Variants in SLC7A1 observed in about 807,000 individuals in gnomAD.
The protein encoded by SLC7A1 is solute carrier family 7 member 1.
A neutral mutation model predicts 53.9 loss-of-function variants in SLC7A1; 10 were observed. The observed-to-expected ratio is 0.19, with a 90% CI of 0.11 to 0.31. SLC7A1 has a LOEUF of 0.31. Ranked by LOEUF, SLC7A1 falls within the 10% of genes least tolerant of loss-of-function variation. The pLI, the probability that SLC7A1 is intolerant of heterozygous loss-of-function variation, is 1.00. For missense variants in SLC7A1, 525 were observed against 827.2 expected (o/e 0.63, Z 4.48); for synonymous variants, 342 against 338.7 (o/e 1.01, Z -0.11).
In SLC7A1 at chr13:29,579,141, A is replaced by G. The variant is rs534658478; in HGVS notation, c.-115+16275T>C. Among the ~76,000 whole-genome samples, 6 of 152,258 alleles carry G rather than the reference A, an allele frequency of 3.9e-5. No individual in the cohort carries two copies. In the East Asian group the frequency reaches 1.2e-3, roughly 29 times the overall value. ...AAGCTGGGTCTCTTTCCTTTGATGAAGCCTGTATATATTTTGATGTGTATG... is the reference window on the plus strand; with the variant it reads ...AAGCTGGGTCTCTTTCCTTTGATGAGGCCTGTATATATTTTGATGTGTATG... On this transcript the variant is annotated intron_variant, in intron 1 of 12. Transcript: ENST00000380752.
rs371360036 is a variant in SLC7A1 at position 29,590,759 on chromosome 13, A to G, written c.-115+4657T>C. 9.2e-5 allele frequency among the ~76,000 whole-genome samples: 14 copies of G among 152,258 alleles called. 1 individual carries two copies. Among genetic ancestry groups the G allele is most frequent in the African/African-American group, 3.4e-4 (14 of 41,528 alleles). ...AACCCACCCAAGGAAAGAGCACAAC[A>G]TTTTAATGCCTTGGTAAAATGAGAG... On this transcript the variant is annotated intron_variant, in intron 1 of 12. Coordinates refer to ENST00000380752, the MANE Select transcript of SLC7A1 (RefSeq NM_003045.5).
intron 8 of SLC7A1, among the ~76,000 whole-genome samples, chr13:29,520,441 G>A (rs966978372): frequency 6.6e-6 from 1 of 152,202 alleles, no homozygotes; most frequent in East Asian, 1.9e-4. Flanking sequence ...GTCACTTCAC[G>A]TGGAAGAAAT....
In SLC7A1 at chr13:29,510,144, C is replaced by T. The variant is rs1883349935; in HGVS notation, c.*4336G>A. 1 of 152,688 alleles carries T rather than the reference C, an allele frequency of 6.5e-6. No individual in the cohort carries two copies. The highest frequency in any genetic ancestry group is 6.5e-5 in the Admixed American group (1 of 15,300). The allele number at this position is 152,688 out of a possible 1,614,324, so 9.5% of individuals were successfully genotyped here. A position where few individuals can be genotyped will look rare whatever the true frequency, so the allele number is the denominator to read the frequency against. On this transcript the variant is annotated 3_prime_UTR_variant, in exon 13 of 13. Coordinates refer to ENST00000380752, the MANE Select transcript of SLC7A1 (RefSeq NM_003045.5). ...GGTACTCCATCTCCTGTGGGGTTTT[C>T]AGCTGGCACTCAGCACATTTGTAGA... is the stretch of plus-strand genomic sequence containing the variant.
intron 1 of SLC7A1, among the ~76,000 whole-genome samples, chr13:29,559,920 T>C (rs1419363136): frequency 1.3e-5 from 2 of 152,078 alleles, no homozygotes; most frequent in Admixed American, 1.3e-4. Flanking sequence ...TTTCACCGTG[T>C]TAGCCAGGAT....
intron 1 of SLC7A1, among the ~76,000 whole-genome samples, chr13:29,574,814 T>G (rs1446601739): frequency 2.2e-4 from 33 of 152,030 alleles, no homozygotes; most frequent in Non-Finnish European, 1.3e-4. Context: ...CTGGCTAATT[T>G]TTTTGTATTT....
chr13:29,523,433 G>T lies in SLC7A1; in HGVS notation c.882C>A (p.Leu294=). 6.2e-7 allele frequency: 1 copy of T among 1,614,018 alleles called. No individual in the cohort carries two copies. Among genetic ancestry groups the T allele is most frequent in the South Asian group, 1.1e-5 (1 of 91,076 alleles). ...CAAAGTAGGCGATGAAGCAGATCAA[G>T]AGGGACGCCACGATCCCCACGGGGA... ...KAIPVGIVAS[L]LICFIAYFGV... The change falls in exon 7 of 13, where the codon CTC becomes CTA. Residue 294 remains leucine (L), a synonymous_variant. Coordinates refer to ENST00000380752, the MANE Select transcript of SLC7A1 (RefSeq NM_003045.5).
chr13:29,528,478 C>T (rs1869001964), intron 5 of SLC7A1, among the ~76,000 whole-genome samples: 1 of 152,192 alleles, frequency 6.6e-6, no homozygotes, highest in Admixed American at 6.5e-5. Flanking sequence ...AATCACAAAC[C>T]CATGTGGTCT....
At chr13:29,580,427 C>T (rs1871594168) in intron 1 of SLC7A1, among the ~76,000 whole-genome samples, 1 of 151,874 alleles carries the variant, frequency 6.6e-6, no homozygotes, top group Non-Finnish European at 1.5e-5. Context: ...ACTGCCTCCC[C>T]GTTTTGAGAT....
At chr13:29,538,276 A>C (rs1326335059) in intron 2 of SLC7A1, among the ~76,000 whole-genome samples, 1 of 152,124 alleles carries the variant, frequency 6.6e-6, no homozygotes, top group Non-Finnish European at 1.5e-5. Context: ...TGGTTTAGCA[A>C]GTGGGGCAAA....
At chr13:29,567,452 C>T (rs890123273) in intron 1 of SLC7A1, among the ~76,000 whole-genome samples, 8 of 152,164 alleles carry the variant, frequency 5.3e-5, no homozygotes, top group African/African-American at 1.7e-4. Flanking sequence ...GGCTCACTAC[C>T]AGGGCAAAAA....
intron 5 of SLC7A1, 35 bp downstream of exon 5, chr13:29,530,503 T>C (rs897701577): frequency 4.4e-6 from 7 of 1,600,674 alleles, no homozygotes; most frequent in Non-Finnish European, 6.0e-6. Flanking sequence ...TCATTAAATG[T>C]CAACTAAGAA....
At chr13:29,555,084 C>G (rs552246507) in intron 1 of SLC7A1, among the ~76,000 whole-genome samples, 2 of 151,938 alleles carry the variant, frequency 1.3e-5, no homozygotes, top group Non-Finnish European at 2.9e-5. Context: ...GTGGGCCGGG[C>G]GCGGTGGCTC....
intron 5 of SLC7A1, among the ~76,000 whole-genome samples, chr13:29,525,346 C>T (rs942576889): frequency 3.3e-5 from 5 of 152,214 alleles, no homozygotes; most frequent in African/African-American, 1.2e-4. Flanking sequence ...AGGACGCTCA[C>T]CACCCACCTC....
rs2139068701 is a variant in SLC7A1, at chr13:29,517,263, C to A, written c.1558G>T (p.Ala520Ser). 1 of 1,613,320 alleles carries A rather than the reference C, an allele frequency of 6.2e-7. No individual in the cohort carries two copies. Among genetic ancestry groups the A allele is most frequent in the Non-Finnish European group, 8.5e-7 (1 of 1,179,706 alleles). ...GCCCACAGCGCCCCTTTGGTGAGAG[C>A]CTCCCTTCCAAGCACGGTCACAATG... ...FCIVTVLGREALTKGALWAVF... is the reference protein window; with the variant it reads ...FCIVTVLGRESLTKGALWAVF... Residue 520 changes from alanine to serine, a missense_variant, in exon 11 of 13, where the codon GCT becomes TCT. Ala to Ser is a moderately conservative substitution (Grantham distance 99). Coordinates refer to ENST00000380752, the MANE Select transcript of SLC7A1 (RefSeq NM_003045.5).
At chr13:29,578,894 G>A (rs1352114997) in intron 1 of SLC7A1, among the ~76,000 whole-genome samples, 1 of 152,238 alleles carries the variant, frequency 6.6e-6, no homozygotes, top group Non-Finnish European at 1.5e-5. Context: ...CCTGGCAGCA[G>A]GCAAGAACTC....
At position 29,581,706 on chromosome 13, in the gene SLC7A1, C is replaced by T. The variant is rs532870070; in HGVS notation, c.-115+13710G>A. Among the ~76,000 whole-genome samples the T allele has an allele frequency of 1.2e-4, 19 of 152,342 alleles. No individual in the cohort carries two copies. The South Asian group carries it at 3.7e-3, about 30-fold the overall frequency. ...CAGCGCCATGCCTGCCCCTGAGGCA[C>T]ACCCCCAAGACAGGTTCATCTCCCA... On this transcript the variant is annotated intron_variant, in intron 1 of 12. Transcript: ENST00000380752.
At chr13:29,534,935 G>A (rs1016104351) in intron 3 of SLC7A1, among the ~76,000 whole-genome samples, 2 of 152,214 alleles carry the variant, frequency 1.3e-5, no homozygotes, top group African/African-American at 4.8e-5. Context: ...ATAAAGAGAA[G>A]CAAAGCGTGT....
chr13:29,578,773 T>C (rs1871518528), intron 1 of SLC7A1, among the ~76,000 whole-genome samples: 2 of 152,212 alleles, frequency 1.3e-5, no homozygotes, highest in African/African-American at 4.8e-5. Context: ...GATCCCTCAA[T>C]ACCCCGGCTC....
chr13:29,517,953 CG>C (rs917311624), intron 9 of SLC7A1, among the ~76,000 whole-genome samples, 163 bp from the exon 10 acceptor site: 1 of 152,170 alleles, frequency 6.6e-6, no homozygotes, highest in Non-Finnish European at 1.5e-5. Context: ...GAGGAGAGAC[CG>C]GGAACACCAC....
Sources: gnomAD v4.1 joint callset for allele counts (sites outside exome capture counted in the v4.1 genomes callset) on GRCh38, gnomAD v4.1.1 for gene constraint, MANE v1.5 for transcripts, NCBI Gene and HGNC (gene_info 2026-07-23, HGNC 2026-07-21) for gene names.